The following NMNAT2 variants were observed in gnomAD, a reference collection of about 807,000 sequenced individuals.
NMNAT2 encodes the protein nicotinamide/nicotinic acid mononucleotide adenylyltransferase 2.
In NMNAT2, 11 loss-of-function variants were observed where a neutral mutation model predicts 41.6. The observed-to-expected ratio is 0.26, with a 90% confidence interval of 0.17 to 0.44. NMNAT2 has a LOEUF of 0.44. Among genes scored for constraint, NMNAT2 ranks in the 20% least tolerant of loss-of-function variants. The pLI is 1.00. For synonymous variants in NMNAT2, 148 were observed against 151.2 expected (o/e 0.98, Z 0.16); for missense variants, 288 against 407.7 (o/e 0.71, Z 2.53).
chr1:183,363,611 C>T (rs1231452346), intron 1 of NMNAT2, among the ~76,000 whole-genome samples: 1 of 149,570 alleles, frequency 6.7e-6, no homozygotes, highest in African/African-American at 2.5e-5. Context: ...CACACAATAC[C>T]TCCACTCAGC....
At chr1:183,353,975 G>A (rs1663123157) in intron 1 of NMNAT2, among the ~76,000 whole-genome samples, 1 of 152,162 alleles carries the variant, frequency 6.6e-6, no homozygotes, top group African/African-American at 2.4e-5. Context: ...CCATGGTTCA[G>A]TGTTGCCACA....
intron 1 of NMNAT2, among the ~76,000 whole-genome samples, chr1:183,398,950 C>G (rs1207503181): frequency 1.3e-5 from 2 of 152,030 alleles, no homozygotes; most frequent in Non-Finnish European, 2.9e-5. Context: ...ATGCCCACAA[C>G]AGAAAGCAGG....
In NMNAT2 at chr1:183,418,206, G is replaced by A. The variant is rs1221884327; in HGVS notation, c.62C>T (p.Thr21Ile). 6.2e-7 allele frequency: 1 copy of A among 1,614,144 alleles called. No individual in the cohort carries two copies. The highest frequency in any genetic ancestry group is 8.5e-7 in the Non-Finnish European group (1 of 1,180,024). Residue 21 changes from threonine (T) to isoleucine (I), a missense_variant, in exon 1 of 11, where the codon ACC (threonine) becomes ATC (isoleucine). Thr to Ile is a moderately conservative substitution (Grantham distance 89, BLOSUM62 -1). Transcript: ENST00000287713. ...LLACGSFNPI[T>I]KGHIQMFERA... ...ACCAAACATCTGAATGTGCCCTTTGGTGATGGGATTGAAGCTGCCGCAGGC... is the reference window on the plus strand; with the variant it reads ...ACCAAACATCTGAATGTGCCCTTTGATGATGGGATTGAAGCTGCCGCAGGC...
intron 1 of NMNAT2, among the ~76,000 whole-genome samples, chr1:183,411,990 CA>C (rs1283906871): frequency 2.6e-5 from 4 of 152,058 alleles, no homozygotes; most frequent in Admixed American, 2.6e-4. Flanking sequence ...ACATTCAGCA[CA>C]AAGACTCTAA....
chr1:183,285,416 G>A (rs942287775), intron 5 of NMNAT2, among the ~76,000 whole-genome samples: 1 of 152,200 alleles, frequency 6.6e-6, no homozygotes, highest in Non-Finnish European at 1.5e-5. Flanking sequence ...CATGCAGATG[G>A]TCTTCAGAAT....
chr1:183,250,976 A>T lies in NMNAT2; in HGVS notation c.*1665T>A, dbSNP rs1189092926. ...TCCTAATACTCAGGGACTATTTCTC[A>T]AAGACCAGAATCCCAAGAGCCAGAG... On this transcript the variant is annotated 3_prime_UTR_variant, in exon 11 of 11. Transcript: ENST00000287713. 1 of 152,208 alleles carries T rather than the reference A, an allele frequency of 6.6e-6. No individual in the cohort carries two copies. The highest frequency in any genetic ancestry group is 6.5e-5 in the Admixed American group (1 of 15,280). 9.4% of individuals were successfully genotyped at this position (152,208 alleles called of 1,614,324 possible).
At chr1:183,389,834 AAGAAAGAAAGGAAAAAAG>A (rs1648410972) in intron 1 of NMNAT2, among the ~76,000 whole-genome samples, 1 of 72,064 alleles carries the variant, frequency 1.4e-5, no homozygotes, top group African/African-American at 4.4e-5. Context: ...GAAAGAAAGA[AAGAAAGAAAGGAAAAAAG>A]AGAAAGAAAG....
At chr1:183,265,800 T>C (rs991705567) in intron 8 of NMNAT2, among the ~76,000 whole-genome samples, 2 of 152,206 alleles carry the variant, frequency 1.3e-5, no homozygotes, top group Non-Finnish European at 2.9e-5. Flanking sequence ...CTCTGGAACC[T>C]GTGAATATGG....
chr1:183,357,632 C>T (rs187315954), intron 1 of NMNAT2, among the ~76,000 whole-genome samples: 84 of 152,278 alleles, frequency 5.5e-4, no homozygotes, highest in African/African-American at 1.9e-3. Context: ...AGTGTACAAG[C>T]GTTCTTTTTT....
intron 1 of NMNAT2, among the ~76,000 whole-genome samples, chr1:183,303,842 G>A (rs1661928549): frequency 6.6e-6 from 1 of 152,246 alleles, no homozygotes. Context: ...ACTGTTAGCT[G>A]AGTGGGCTGA....
intron 8 of NMNAT2, among the ~76,000 whole-genome samples, chr1:183,261,750 G>A (rs1320335026): frequency 6.6e-6 from 1 of 152,038 alleles, no homozygotes; most frequent in African/African-American, 2.4e-5. Flanking sequence ...TGCTCTTCTG[G>A]CTCACCCTCA....
chr1:183,385,597 A>G (rs1228542841), intron 1 of NMNAT2, among the ~76,000 whole-genome samples: 3 of 151,786 alleles, frequency 2.0e-5, no homozygotes, highest in African/African-American at 7.3e-5. Context: ...CAGAGCCTGG[A>G]ATTTTTTTTT....
chr1:183,400,478 G>A (rs1648777712), intron 1 of NMNAT2, among the ~76,000 whole-genome samples: 1 of 152,114 alleles, frequency 6.6e-6, no homozygotes, highest in South Asian at 2.1e-4. Context: ...CGTGAAAATG[G>A]CCATACTGCC....
intron 10 of NMNAT2, among the ~76,000 whole-genome samples, chr1:183,255,431 T>A (rs1013870573): frequency 2.6e-5 from 4 of 152,184 alleles, no homozygotes; most frequent in Non-Finnish European, 5.9e-5. Flanking sequence ...TAGGGTTGAT[T>A]TTTCTATTTC....
intron 1 of NMNAT2, among the ~76,000 whole-genome samples, chr1:183,372,896 G>A (rs185055860): frequency 2.0e-5 from 3 of 152,336 alleles, no homozygotes; most frequent in Admixed American, 6.5e-5. Flanking sequence ...GGTTAATATC[G>A]CAGGGCCTGG....
intron 8 of NMNAT2, among the ~76,000 whole-genome samples, chr1:183,275,259 C>T (rs1187707606): frequency 6.6e-6 from 1 of 152,150 alleles, no homozygotes; most frequent in East Asian, 1.9e-4. Flanking sequence ...GATTTAAATA[C>T]ATTAACATGA....
chr1:183,274,979 C>A (rs1451083145), intron 8 of NMNAT2, among the ~76,000 whole-genome samples: 2 of 152,054 alleles, frequency 1.3e-5, no homozygotes, highest in African/African-American at 2.4e-5. Context: ...CAGAGGAGAA[C>A]GGGCCTGGTG....
chr1:183,394,770 T>C (rs1057049030), intron 1 of NMNAT2, among the ~76,000 whole-genome samples: 3 of 152,206 alleles, frequency 2.0e-5, no homozygotes, highest in Admixed American at 2.0e-4. Context: ...AATGAGGTCC[T>C]CTGCCCAGCA....
intron 1 of NMNAT2, among the ~76,000 whole-genome samples, chr1:183,373,376 C>G (rs1041888050): frequency 2.0e-5 from 3 of 152,216 alleles, no homozygotes; most frequent in African/African-American, 7.2e-5. Context: ...AGATCCTTCT[C>G]CCTTCTCCTT....
Sources: allele counts gnomAD v4.1 joint callset (sites outside exome capture counted in the v4.1 genomes callset), GRCh38; gene constraint gnomAD v4.1.1; transcripts MANE v1.5; gene names NCBI Gene and HGNC (gene_info 2026-07-23, HGNC 2026-07-21).